ZNF43: variants seen among roughly 807,000 people sequenced by gnomAD.
ZNF43 encodes the protein zinc finger protein 39-like 1 (KOX 27).
A neutral mutation model predicts 68.4 loss-of-function variants in ZNF43; 44 were observed. The ratio of observed to expected loss-of-function variants is 0.64; its 90% CI spans 0.51 to 0.83. ZNF43 has a LOEUF of 0.83. Ranked by LOEUF, ZNF43 falls within the 40% of genes least tolerant of loss-of-function variation. The probability of loss-of-function intolerance (pLI) is 0.00; values close to 1 mark genes in which losing one functional copy is unlikely to be tolerated. For missense variants in ZNF43, 896 were observed against 933.2 expected, an observed-to-expected ratio of 0.96 and a Z score of 0.52; for synonymous variants, 308 against 307.8, an observed-to-expected ratio of 1.00 and a Z score of -0.01.
intron 3 of ZNF43, among the ~76,000 whole-genome samples, chr19:21,817,338 C>T (rs1438273190): frequency 6.6e-6 from 1 of 151,408 alleles, no homozygotes; most frequent in African/African-American, 2.4e-5. Flanking sequence ...CTAAAATATA[C>T]ATGAAACTAG....
At chr19:21,822,890 T>C (rs915614719) in intron 1 of ZNF43, among the ~76,000 whole-genome samples, 1 of 152,184 alleles carries the variant, frequency 6.6e-6, no homozygotes, top group African/African-American at 2.4e-5. Flanking sequence ...TAAGACAAAA[T>C]TAAATTCCAG....
chr19:21,834,357 A>C (rs1361596079), intron 1 of ZNF43, among the ~76,000 whole-genome samples: 1 of 149,302 alleles, frequency 6.7e-6, no homozygotes, highest in African/African-American at 2.4e-5. Context: ...AAAAAAAGTA[A>C]AGAAAAAAAG....
rs770251558 is a variant in ZNF43, at chr19:21,809,566, T to C, written c.471A>G (p.Lys157=). 1 of 1,611,616 alleles carries C rather than the reference T, an allele frequency of 6.2e-7. No homozygotes were observed. Among genetic ancestry groups the C allele is most frequent in the African/African-American group, 1.3e-5 (1 of 74,852 alleles). ...LFDKCVKAFH[K]FSNSNRHKIS... ...TCTTATGTCTGTTTGAATTTGAAAA[T>C]TTATGAAAGGCTTTCACACATTTAT... Residue 157 remains lysine (K), a synonymous_variant, in exon 4 of 4, where the codon AAA becomes AAG. Coordinates refer to ENST00000354959, the MANE Select transcript of ZNF43 (RefSeq NM_003423.4).
At chr19:21,832,993 A>G (rs948184763) in intron 1 of ZNF43, among the ~76,000 whole-genome samples, 2 of 152,264 alleles carry the variant, frequency 1.3e-5, no homozygotes, top group Non-Finnish European at 2.9e-5. Flanking sequence ...GAATACAGAT[A>G]ATCACCTCTA....
chr19:21,817,268 T>C (rs2145207689), intron 3 of ZNF43, among the ~76,000 whole-genome samples: 1 of 151,008 alleles, frequency 6.6e-6, no homozygotes, highest in Non-Finnish European at 1.5e-5. Flanking sequence ...TCTATAAATT[T>C]AATAAACTTT....
At position 21,808,642 on chromosome 19, in the gene ZNF43, C is replaced by T. The variant is rs2037096130; in HGVS notation, c.1395G>A (p.Gln465=). The change falls in exon 4 of 4, where the codon CAG becomes CAA. Residue 465 remains glutamine (Q), a synonymous_variant. Transcript: ENST00000354959. ...KCEVCGKAFN[Q]FSNLTTHKRI... is the part of the protein sequence containing the mutation. ...TCTTATGTGTAGTAAGGTTTGAGAA[C>T]TGGTTAAAGGCTTTGCCACATACTT... 1 of 1,611,950 alleles carries T rather than the reference C, an allele frequency of 6.2e-7. No individual in the cohort carries two copies. Among genetic ancestry groups the T allele is most frequent in the Non-Finnish European group, 8.5e-7 (1 of 1,179,468 alleles).
intron 1 of ZNF43, among the ~76,000 whole-genome samples, chr19:21,822,029 CCTA>C (rs1459705299): frequency 6.6e-6 from 1 of 152,262 alleles, no homozygotes; most frequent in African/African-American, 2.4e-5. Flanking sequence ...CACCTATTTG[CCTA>C]CTACCACCAC....
intron 1 of ZNF43, among the ~76,000 whole-genome samples, chr19:21,823,681 C>T (rs535696645): frequency 4.3e-4 from 65 of 151,128 alleles, no homozygotes; most frequent in Non-Finnish European, 8.1e-4. Flanking sequence ...GATTCTCCTG[C>T]CTCAGCCTCC....
chr19:21,807,611 T>G lies in ZNF43; in HGVS notation c.2426A>C (p.Lys809Thr). 6.5e-7 allele frequency: 1 copy of G among 1,535,032 alleles called. No homozygotes were observed. Among genetic ancestry groups the G allele is most frequent in the Non-Finnish European group, 8.7e-7 (1 of 1,145,028 alleles). Residue 809 changes from lysine to threonine, a missense_variant, in exon 4 of 4, where the codon AAA becomes ACA. Coordinates refer to ENST00000354959, the MANE Select transcript of ZNF43 (RefSeq NM_003423.4). ...LTTPQTFSNIK is the reference protein window; with the variant it reads ...LTTPQTFSNIT Reference sequence around the variant, plus strand: ...AGAATTTCTCACCAGTATAATTTATTTTATGTTTGAAAAAGTTTGAGGTGT... The same window carrying G: ...AGAATTTCTCACCAGTATAATTTATGTTATGTTTGAAAAAGTTTGAGGTGT...
upstream of ZNF43, chr19:21,841,018 G>C (rs1967494447): frequency 6.6e-6 from 1 of 152,192 alleles, no homozygotes; most frequent in South Asian, 2.1e-4. Flanking sequence ...ATTCGTGTGA[G>C]GGTGACAATG....
Position 21,808,711 on chromosome 19 carries a change from A to G in ZNF43, c.1326T>C (p.Thr442=). 6.2e-7 allele frequency: 1 copy of G among 1,612,570 alleles called. No homozygotes were observed. Among genetic ancestry groups the G allele is most frequent in the East Asian group, 2.2e-5 (1 of 44,742 alleles). ...CTCCAGTATGAATTCTGTTATGTTT[A>G]GTAAGGGTTGAGGGCCAGTTAAAGG... ...GKAFNWPSTL[T]KHNRIHTGEK... The change falls in exon 4 of 4, where the codon ACT becomes ACC. Residue 442 remains threonine (T), a synonymous_variant. Coordinates refer to ENST00000354959, the MANE Select transcript of ZNF43 (RefSeq NM_003423.4).
At chr19:21,815,087 C>T (rs2435007) in intron 3 of ZNF43, among the ~76,000 whole-genome samples, 7,496 of 151,706 alleles carry the variant, frequency 0.049, 395 homozygotes, top group African/African-American at 0.14. Context: ...ACTCAGGAGG[C>T]TGAGACAGGA....
At chr19:21,820,442 G>A (rs1264470582) in intron 1 of ZNF43, among the ~76,000 whole-genome samples, 7 of 151,146 alleles carry the variant, frequency 4.6e-5, no homozygotes, top group African/African-American at 7.3e-5. Flanking sequence ...GCTGGGTGCG[G>A]TGGCGGGTGC....
intron 1 of ZNF43, among the ~76,000 whole-genome samples, chr19:21,833,704 G>A (rs2038540240): frequency 6.6e-6 from 1 of 151,448 alleles, no homozygotes; most frequent in African/African-American, 2.4e-5. Context: ...CACATTTTTC[G>A]AAAGGAAAAA....
At chr19:21,834,690 T>C (rs10420548) in intron 1 of ZNF43, among the ~76,000 whole-genome samples, 30,919 of 149,658 alleles carry the variant, frequency 0.21, 3,423 homozygotes, top group South Asian at 0.26. Context: ...ACCCGGGAGG[T>C]TGCAATGAGC....
Position 21,808,253 on chromosome 19 carries a change from T to C in ZNF43, c.1784A>G (p.Lys595Arg). The change falls in exon 4 of 4, where the codon AAA becomes AGA. Residue 595 changes from lysine (K) to arginine (R), a missense_variant. Lys to Arg is a conservative substitution (Grantham distance 26, BLOSUM62 2). Transcript: ENST00000354959. ...AAAAGCTTTGCCACATTCTTCACATTTGTAGAATTTCTCTCCAGTATGAAT... is the reference window on the plus strand; with the variant it reads ...AAAAGCTTTGCCACATTCTTCACATCTGTAGAATTTCTCTCCAGTATGAAT... ...KKIHTGEKFY[K>R]CEECGKAFTQ... 6.2e-7 allele frequency: 1 copy of C among 1,613,622 alleles called. No homozygotes were observed. Among genetic ancestry groups the C allele is most frequent in the Non-Finnish European group, 8.5e-7 (1 of 1,179,840 alleles).
upstream of ZNF43, chr19:21,838,102 G>A (rs1967244786): frequency 6.6e-6 from 1 of 152,160 alleles, no homozygotes; most frequent in Non-Finnish European, 1.5e-5. Context: ...TCAGAGAAAT[G>A]ACTCTGAGTT....
At chr19:21,840,230 A>G (rs1967426708), upstream of ZNF43, 1 of 152,230 alleles carries the variant, frequency 6.6e-6, no homozygotes, top group Admixed American at 6.5e-5. Flanking sequence ...AGGCAAAAGT[A>G]CAGAGTCACA....
intron 1 of ZNF43, among the ~76,000 whole-genome samples, chr19:21,819,616 G>C (rs2037701229): frequency 6.6e-6 from 1 of 152,144 alleles, no homozygotes. Context: ...ACAATAAACT[G>C]AGGATCCTGT....
Sources: allele counts gnomAD v4.1 joint callset (sites outside exome capture counted in the v4.1 genomes callset), GRCh38; gene constraint gnomAD v4.1.1; transcripts MANE v1.5; gene names NCBI Gene and HGNC (gene_info 2026-07-23, HGNC 2026-07-21).